The following PDE4D variants were observed in gnomAD, a reference collection of about 807,000 sequenced individuals.
PDE4D encodes phosphodiesterase 4D.
In PDE4D, 24 loss-of-function variants were observed where a neutral mutation model predicts 87.4. That is an observed-to-expected ratio of 0.27 (90% confidence interval 0.20 to 0.39). PDE4D has a LOEUF of 0.39. Ranked by LOEUF, PDE4D falls within the 10% of genes least tolerant of loss-of-function variation. The pLI, the probability that PDE4D is intolerant of heterozygous loss-of-function variation, is 1.00. For synonymous variants in PDE4D, 384 were observed against 383.2 expected, an observed-to-expected ratio of 1.00 and a Z score of -0.02; for missense variants, 714 against 1,041.0, an observed-to-expected ratio of 0.69 and a Z score of 4.32.
intron 1 of PDE4D, among the ~76,000 whole-genome samples, chr5:59,807,856 C>T (rs747533637): frequency 2.0e-5 from 3 of 152,138 alleles, no homozygotes; most frequent in Admixed American, 6.5e-5. Context: ...TGTATTCTTA[C>T]CTCACAACCT....
intron 6 of PDE4D, among the ~76,000 whole-genome samples, chr5:59,007,482 A>C (rs1751870051): frequency 6.6e-6 from 1 of 152,210 alleles, no homozygotes; most frequent in South Asian, 2.1e-4. Flanking sequence ...AATGCCTTAA[A>C]AATATTTTAG....
chr5:59,047,389 A>G (rs530514381), intron 5 of PDE4D, among the ~76,000 whole-genome samples: 4 of 152,340 alleles, frequency 2.6e-5, no homozygotes, highest in African/African-American at 9.6e-5. Context: ...CAGACAGTGG[A>G]CAAAGATAAA....
intron 1 of PDE4D, among the ~76,000 whole-genome samples, chr5:59,651,602 G>A (rs1743516588): frequency 6.6e-6 from 1 of 152,032 alleles, no homozygotes; most frequent in Non-Finnish European, 1.5e-5. Context: ...TAATTGTTGA[G>A]TGTAATAATA....
intron 1 of PDE4D, among the ~76,000 whole-genome samples, chr5:59,452,259 T>A (rs114802859): frequency 6.6e-6 from 1 of 152,174 alleles, no homozygotes; most frequent in Admixed American, 6.5e-5. Context: ...TAAACCTTCA[T>A]TGACTACTTC....
intron 2 of PDE4D, among the ~76,000 whole-genome samples, chr5:59,211,058 G>A (rs937661165): frequency 3.9e-5 from 6 of 152,010 alleles, no homozygotes; most frequent in East Asian, 3.9e-4. Context: ...GTCTATTTAC[G>A]CTGTAATTTT....
intron 2 of PDE4D, among the ~76,000 whole-genome samples, chr5:59,990,864 T>C (rs541062237): frequency 2.0e-5 from 3 of 152,230 alleles, no homozygotes; most frequent in South Asian, 4.1e-4. Context: ...GCACTCAAAG[T>C]CCTATGTCCA....
chr5:58,972,090 G>C lies in PDE4D; in HGVS notation c.*2574C>G, dbSNP rs1403605982. On this transcript the variant is annotated 3_prime_UTR_variant, in exon 15 of 15. Coordinates refer to ENST00000340635, the MANE Select transcript of PDE4D (RefSeq NM_001104631.2). ...GGTCTGGATTTGTTAATGACATATT[G>C]CTGCTTTTTATTTTATTCATTATTA... The C allele has an allele frequency of 6.6e-6, 1 of 152,456 alleles. No individual in the cohort carries two copies. Among genetic ancestry groups the C allele is most frequent in the Non-Finnish European group, 1.5e-5 (1 of 68,010 alleles). 9.4% of individuals were successfully genotyped at this position (152,456 alleles called of 1,614,324 possible).
At chr5:59,405,485 A>C (rs1791451898) in intron 1 of PDE4D, among the ~76,000 whole-genome samples, 1 of 152,182 alleles carries the variant, frequency 6.6e-6, no homozygotes, top group African/African-American at 2.4e-5. Context: ...TGAAGTCTTT[A>C]GGTTTTTCCA....
At chr5:60,245,484 C>T (rs1294566984) in intron 1 of PDE4D, among the ~76,000 whole-genome samples, 2 of 152,018 alleles carry the variant, frequency 1.3e-5, no homozygotes, top group East Asian at 1.9e-4. Context: ...TCTACACTCC[C>T]GTGTTTATTG....
At position 60,220,378 on chromosome 5, in the gene PDE4D, G is replaced by A. The variant is rs181582624; in HGVS notation, c.-89-34691C>T. Reference sequence around the variant, plus strand: ...TCATCTCTTCTGTTTCATCTCTAATGGCAACCTATCCCATTTCACCTCACT... The same window carrying A: ...TCATCTCTTCTGTTTCATCTCTAATAGCAACCTATCCCATTTCACCTCACT... On this transcript the variant is annotated intron_variant, in intron 1 of 16. Transcript: ENST00000502484. Among the ~76,000 whole-genome samples the A allele has an allele frequency of 2.6e-5, 4 of 152,166 alleles. No homozygotes were observed. In the East Asian group the frequency reaches 7.7e-4, roughly 29 times the overall value.
intron 2 of PDE4D, among the ~76,000 whole-genome samples, chr5:59,204,407 A>G (rs747192683): frequency 1.3e-5 from 2 of 152,232 alleles, no homozygotes; most frequent in Non-Finnish European, 2.9e-5. Context: ...ATGCCAATGA[A>G]TGCCTTCAAA....
chr5:60,401,504 G>A (rs1583637157), intron 1 of PDE4D, among the ~76,000 whole-genome samples: 2 of 152,202 alleles, frequency 1.3e-5, no homozygotes, highest in East Asian at 1.9e-4. Context: ...TTAAAAAAGA[G>A]GATGGAGCCT....
At chr5:59,286,784 T>A (rs1476126102) in intron 1 of PDE4D, among the ~76,000 whole-genome samples, 1 of 152,206 alleles carries the variant, frequency 6.6e-6, no homozygotes, top group African/African-American at 2.4e-5. Flanking sequence ...TCTAGATATT[T>A]CATTAAAATA....
intron 1 of PDE4D, among the ~76,000 whole-genome samples, chr5:59,878,329 C>T (rs909814427): frequency 3.3e-5 from 5 of 152,160 alleles, no homozygotes; most frequent in South Asian, 2.1e-4. Flanking sequence ...TGCAGATGAG[C>T]GTTTTCAAAT....
chr5:59,305,567 T>A (rs1214098381), intron 1 of PDE4D, among the ~76,000 whole-genome samples: 1 of 152,134 alleles, frequency 6.6e-6, no homozygotes, highest in African/African-American at 2.4e-5. Context: ...AGCACCACCT[T>A]TGCTGTATCC....
At chr5:59,251,977 C>T (rs755349565) in intron 1 of PDE4D, among the ~76,000 whole-genome samples, 1 of 152,088 alleles carries the variant, frequency 6.6e-6, no homozygotes, top group Non-Finnish European at 1.5e-5. Context: ...ATGATGAGAA[C>T]TCAGGCACAC....
chr5:60,185,568 G>A (rs760288566), exon 2 of PDE4D: 55 of 1,528,318 alleles, frequency 3.6e-5, no homozygotes, highest in Non-Finnish European at 4.4e-5. Context: ...CTTTTGCTCC[G>A]AGAAAGCAAA....
intron 2 of PDE4D, among the ~76,000 whole-genome samples, chr5:60,101,522 A>C (rs1776214901): frequency 6.6e-6 from 1 of 152,076 alleles, no homozygotes; most frequent in African/African-American, 2.4e-5. Context: ...CCACTCCTCC[A>C]CCAGTAGATA....
intron 6 of PDE4D, among the ~76,000 whole-genome samples, chr5:59,020,212 C>T (rs1180725197): frequency 6.6e-6 from 1 of 152,150 alleles, no homozygotes; most frequent in African/African-American, 2.4e-5. Flanking sequence ...TGGTGACTCA[C>T]ACCTGTAATC....
Sources: allele counts gnomAD v4.1 joint callset (sites outside exome capture counted in the v4.1 genomes callset), GRCh38; gene constraint gnomAD v4.1.1; transcripts MANE v1.5; gene names NCBI Gene and HGNC (gene_info 2026-07-23, HGNC 2026-07-21).